The following THSD4 variants were observed in gnomAD, a reference collection of about 807,000 sequenced individuals.
The protein encoded by THSD4 is thrombospondin type 1 domain containing 4, also known as thrombospondin type-1 domain-containing protein 4.
THSD4 carries 69 observed loss-of-function variants against 119.0 expected under a neutral mutation model. That is an observed-to-expected ratio of 0.58 (90% CI 0.48 to 0.71). The LOEUF is 0.71. Ranked by LOEUF, THSD4 falls within the 30% of genes least tolerant of loss-of-function variation. THSD4 has a pLI of 0.00. For synonymous variants in THSD4, 524 were observed against 540.4 expected (o/e 0.97, Z 0.42); for missense variants, 1,393 against 1,391.1 (o/e 1.00, Z -0.02).
At chr15:71,720,649 G>A (rs933057890) in intron 8 of THSD4, among the ~76,000 whole-genome samples, 1 of 152,108 alleles carries the variant, frequency 6.6e-6, no homozygotes, top group Non-Finnish European at 1.5e-5. Flanking sequence ...TCATTTTCAG[G>A]GTATCCACAT....
intron 7 of THSD4, among the ~76,000 whole-genome samples, chr15:71,653,226 TGATAGCAGTAAG>T (rs1349714312): frequency 1.3e-5 from 2 of 152,260 alleles, no homozygotes; most frequent in East Asian, 1.9e-4. Flanking sequence ...CGAGAAGGTT[TGATAGCAGTAAG>T]GAACTATTTT....
At chr15:71,288,714 A>C (rs975743982) in intron 6 of THSD4, among the ~76,000 whole-genome samples, 4 of 152,194 alleles carry the variant, frequency 2.6e-5, no homozygotes, top group Admixed American at 2.6e-4. Context: ...TTATTCAGTA[A>C]ATTTCCGTAT....
intron 6 of THSD4, among the ~76,000 whole-genome samples, chr15:71,311,217 A>G (rs2045106475): frequency 1.3e-5 from 2 of 152,246 alleles, no homozygotes; most frequent in Non-Finnish European, 2.9e-5. Context: ...GACAATGAGC[A>G]AAGGACATAG....
chr15:71,553,254 C>T (rs899637116), intron 7 of THSD4, among the ~76,000 whole-genome samples: 1 of 151,768 alleles, frequency 6.6e-6, no homozygotes, highest in African/African-American at 2.4e-5. Context: ...TGTCTAACTG[C>T]ATTTGCTAGA....
At chr15:71,424,796 G>A (rs1164136361) in intron 7 of THSD4, among the ~76,000 whole-genome samples, 2 of 152,134 alleles carry the variant, frequency 1.3e-5, no homozygotes, top group African/African-American at 4.8e-5. Flanking sequence ...AAATTTTATA[G>A]TTTGGGGGTG....
intron 6 of THSD4, among the ~76,000 whole-genome samples, chr15:71,396,558 T>G (rs2046457893): frequency 6.6e-6 from 1 of 152,182 alleles, no homozygotes; most frequent in African/African-American, 2.4e-5. Flanking sequence ...CACATCATCT[T>G]GCTGGAGGAT....
chr15:71,263,838 A>C (rs2044432434), intron 6 of THSD4, among the ~76,000 whole-genome samples: 1 of 152,242 alleles, frequency 6.6e-6, no homozygotes, highest in African/African-American at 2.4e-5. Context: ...GAAATGGAAT[A>C]TCTGTGGCTG....
At chr15:71,600,090 A>G (rs935052447) in intron 7 of THSD4, among the ~76,000 whole-genome samples, 2 of 152,214 alleles carry the variant, frequency 1.3e-5, no homozygotes, top group African/African-American at 2.4e-5. Flanking sequence ...TTCTTTTTTA[A>G]GACTAAAACA....
At chr15:71,138,162 G>A (rs1215166996) in intron 1 of THSD4, among the ~76,000 whole-genome samples, 1 of 152,166 alleles carries the variant, frequency 6.6e-6, no homozygotes, top group Non-Finnish European at 1.5e-5. Flanking sequence ...CATGGCTGGG[G>A]AGGCCTCAGG....
intron 2 of THSD4, among the ~76,000 whole-genome samples, chr15:71,150,946 G>A (rs2040716024): frequency 6.6e-6 from 1 of 152,134 alleles, no homozygotes; most frequent in South Asian, 2.1e-4. Context: ...CTAGGTGCTG[G>A]GGAATAAAGT....
chr15:71,313,032 G>A (rs1452864964), intron 6 of THSD4, among the ~76,000 whole-genome samples: 5 of 152,114 alleles, frequency 3.3e-5, no homozygotes, highest in Non-Finnish European at 5.9e-5. Flanking sequence ...GGCATATAAC[G>A]GCACTTAATG....
At chr15:71,619,337 C>G (rs1018902817) in intron 7 of THSD4, among the ~76,000 whole-genome samples, 1 of 152,044 alleles carries the variant, frequency 6.6e-6, no homozygotes, top group African/African-American at 2.4e-5. Context: ...AGAGCCAAAC[C>G]AGGATTTAAA....
At chr15:71,568,568 CTTTTTT>C (rs61430926) in intron 7 of THSD4, among the ~76,000 whole-genome samples, 1 of 137,872 alleles carries the variant, frequency 7.3e-6, no homozygotes, top group Non-Finnish European at 1.5e-5. Context: ...CTCTTTTTCT[CTTTTTT>C]TTTTTTTGTT....
At chr15:71,770,397 A>G (rs1406627405) in intron 16 of THSD4, among the ~76,000 whole-genome samples, 1 of 151,286 alleles carries the variant, frequency 6.6e-6, no homozygotes, top group Non-Finnish European at 1.5e-5. Context: ...GCTCACGCCT[A>G]TAATCCCAGC....
rs1491223591 is a variant in THSD4 at position 71,447,109 on chromosome 15, A to ATTT, written c.1152+35292_1152+35294dup. On this transcript the variant is annotated intron_variant, in intron 7 of 17. Transcript: ENST00000261862. ...TGTCCTCTGTTGCCCTCTTCCCTCCATTTTTTTTGTTTTTTTTTTTTTTTT... is the reference window on the plus strand; with the variant it reads ...TGTCCTCTGTTGCCCTCTTCCCTCCATTTTTTTTTTTGTTTTTTTTTTTTTTTT... Among the ~76,000 whole-genome samples, 529 of 69,326 alleles carry ATTT rather than the reference A, an allele frequency of 7.6e-3. 32 individuals are homozygous for ATTT. Among genetic ancestry groups the ATTT allele is most frequent in the African/African-American group, 0.016 (284 of 18,114 alleles). The allele number at this position is 69,326 out of a possible 152,430, so 45.5% of individuals were successfully genotyped here. A position where few individuals can be genotyped will look rare whatever the true frequency, so the allele number is the denominator to read the frequency against.
At chr15:71,408,765 C>T (rs1159484983) in intron 6 of THSD4, among the ~76,000 whole-genome samples, 1 of 152,154 alleles carries the variant, frequency 6.6e-6, no homozygotes, top group South Asian at 2.1e-4. Flanking sequence ...GATGGGATGA[C>T]GGCTTGAGCC....
intron 7 of THSD4, among the ~76,000 whole-genome samples, chr15:71,498,400 C>T (rs1048229460): frequency 1.3e-5 from 2 of 152,196 alleles, no homozygotes; most frequent in Non-Finnish European, 1.5e-5. Context: ...TTTTTCACCC[C>T]AGTTGTGCTT....
At chr15:71,725,236 G>A (rs558264243) in intron 8 of THSD4, among the ~76,000 whole-genome samples, 17 of 130,958 alleles carry the variant, frequency 1.3e-4, no homozygotes, top group African/African-American at 4.7e-4. Context: ...TACATGGATG[G>A]TGGTACCATT....
chr15:71,531,788 TG>T (rs1228711604), intron 7 of THSD4, among the ~76,000 whole-genome samples: 1 of 152,264 alleles, frequency 6.6e-6, no homozygotes, highest in Non-Finnish European at 1.5e-5. Context: ...CTCTTTGTTC[TG>T]AGTTAGTCTC....
Sources: allele counts gnomAD v4.1 joint callset (sites outside exome capture counted in the v4.1 genomes callset), GRCh38; gene constraint gnomAD v4.1.1; transcripts MANE v1.5; gene names NCBI Gene and HGNC (gene_info 2026-07-23, HGNC 2026-07-21).